Variants in GSE1 observed in about 807,000 individuals in gnomAD.
The protein encoded by GSE1 is genetic suppressor element 1.
In GSE1, 32 loss-of-function variants were observed where a neutral mutation model predicts 112.6. The observed-to-expected ratio is 0.28, with a 90% CI of 0.21 to 0.38. The LOEUF (loss-of-function observed/expected upper bound fraction) is 0.38, where lower values mean the gene tolerates loss of function less well. Ranked by LOEUF, GSE1 falls within the 10% of genes least tolerant of loss-of-function variation. The probability of loss-of-function intolerance (pLI) is 1.00; values close to 1 mark genes in which losing one functional copy is unlikely to be tolerated. For missense variants in GSE1, 2,348 were observed against 1,699.2 expected (o/e 1.38, Z -6.71); for synonymous variants, 1,115 against 735.6 (o/e 1.52, Z -8.35).
intron 3 of GSE1, among the ~76,000 whole-genome samples, chr16:85,651,081 C>T (rs2051309251): frequency 7.5e-6 from 1 of 133,564 alleles, no homozygotes; most frequent in Non-Finnish European, 1.6e-5. Flanking sequence ...CCCTCCTCCC[C>T]CTCCCCCTCC....
At position 85,581,752 on chromosome 16, in the gene GSE1, C is replaced by T. The variant is rs115384254; in HGVS notation, c.37+25389C>T. Among the ~76,000 whole-genome samples, 278 of 152,262 alleles carry T rather than the reference C, an allele frequency of 1.8e-3. 2 individuals carry two copies. The highest frequency in any genetic ancestry group is 6.4e-3 in the African/African-American group (267 of 41,532). On this transcript the variant is annotated intron_variant, in intron 1 of 2. Transcript: ENST00000635906. ...TGACCTGTCCCCTTCAGTGAGCTCG[C>T]CCTTCCTTGAGAGGAGGGCTGCATC...
intron 2 of GSE1, among the ~76,000 whole-genome samples, chr16:85,410,024 A>G (rs77168255): frequency 1.4e-4 from 2 of 14,494 alleles, no homozygotes; most frequent in African/African-American, 6.9e-4. Context: ...CCTCACTGTT[A>G]CACTCAGGGC....
chr16:85,672,141 G>C (rs745885278), intron 15 of GSE1: 3 of 428,076 alleles, frequency 7.0e-6, no homozygotes, highest in Non-Finnish European at 1.4e-5. Context: ...TAGGATTACA[G>C]GTATACGACA....
chr16:85,265,278 A>C (rs1908119665), intron 1 of GSE1, among the ~76,000 whole-genome samples: 1 of 152,148 alleles, frequency 6.6e-6, no homozygotes, highest in South Asian at 2.1e-4. Flanking sequence ...ACCAATCCTG[A>C]CTGCCTGCCT....
At chr16:85,669,940 G>A (rs769460080) in intron 14 of GSE1, among the ~76,000 whole-genome samples, 13 of 152,188 alleles carry the variant, frequency 8.5e-5, no homozygotes, top group Non-Finnish European at 1.6e-4. Context: ...CCGCTCAGCT[G>A]TTTTTAGCCC....
chr16:85,441,442 G>C (rs907484958), intron 2 of GSE1, among the ~76,000 whole-genome samples: 9 of 150,582 alleles, frequency 6.0e-5, no homozygotes, highest in African/African-American at 9.7e-5. Context: ...ATCACCTGAG[G>C]TCAGGAGTTT....
At chr16:85,295,090 C>T (rs1036489286) in intron 1 of GSE1, among the ~76,000 whole-genome samples, 4 of 151,976 alleles carry the variant, frequency 2.6e-5, no homozygotes, top group Non-Finnish European at 4.4e-5. Flanking sequence ...ACCATCACCT[C>T]GAGGGTTCGG....
At chr16:85,411,727 G>T (rs1449276651) in intron 2 of GSE1, among the ~76,000 whole-genome samples, 1 of 71,268 alleles carries the variant, frequency 1.4e-5, no homozygotes, top group African/African-American at 8.9e-5. Context: ...AATCCTCACT[G>T]TTACACTCAG....
rs113197005 is a variant in GSE1 at position 85,388,644 on chromosome 16, G to GTGGATGGA, written c.2464+31029_2464+31036dup. On this transcript the variant is annotated intron_variant, in intron 2 of 2. Coordinates refer to the GSE1 transcript ENST00000637419. ...GATGGATGGATACATAGGTGTGTGG[G>GTGGATGGA]TGGATGGATGGATGGATGGATGGAT... Among the ~76,000 whole-genome samples, 474 of 149,060 alleles carry GTGGATGGA rather than the reference G, an allele frequency of 3.2e-3. 1 individual carries two copies. Among genetic ancestry groups the GTGGATGGA allele is most frequent in the African/African-American group, 0.012 (465 of 40,296 alleles).
intron 1 of GSE1, among the ~76,000 whole-genome samples, chr16:85,305,965 C>T (rs1309037296): frequency 2.0e-5 from 3 of 152,104 alleles, no homozygotes; most frequent in South Asian, 2.1e-4. Flanking sequence ...GTGGTGCGTG[C>T]CTGTAATGCT....
intron 2 of GSE1, among the ~76,000 whole-genome samples, chr16:85,449,803 AG>A (rs2049623214): frequency 6.6e-6 from 1 of 152,196 alleles, no homozygotes; most frequent in African/African-American, 2.4e-5. Context: ...GCAAAATAGA[AG>A]GGTTGCATTT....
At chr16:85,395,285 G>T (rs1022035430) in intron 2 of GSE1, among the ~76,000 whole-genome samples, 33 of 152,204 alleles carry the variant, frequency 2.2e-4, no homozygotes, top group African/African-American at 8.0e-4. Flanking sequence ...AGCTGCTGAG[G>T]TGTCAGGGCA....
intron 1 of GSE1, among the ~76,000 whole-genome samples, chr16:85,332,234 G>A (rs1446217395): frequency 6.6e-6 from 1 of 152,132 alleles, no homozygotes; most frequent in Non-Finnish European, 1.5e-5. Context: ...TGTAGCCGTC[G>A]GCCATGAGAG....
At chr16:85,193,257 A>G (rs7198093) in intron 1 of GSE1, among the ~76,000 whole-genome samples, 13,266 of 152,216 alleles carry the variant, frequency 0.087, 792 homozygotes, top group South Asian at 0.23. Flanking sequence ...GTGGATAGGC[A>G]TTGGAAAGGA....
intron 9 of GSE1, chr16:85,662,671 G>C: frequency 2.8e-6 from 1 of 353,042 alleles, no homozygotes; most frequent in East Asian, 5.4e-5. Context: ...TGTTGCCGTG[G>C]ACACAGCCCC....
chr16:85,333,541 G>C (rs1456986536), intron 1 of GSE1, among the ~76,000 whole-genome samples: 2 of 152,248 alleles, frequency 1.3e-5, no homozygotes, highest in East Asian at 3.9e-4. Context: ...GGTGCCTGAG[G>C]CCAGCCTGCA....
At chr16:85,543,020 G>A (rs1338543765) in intron 2 of GSE1, among the ~76,000 whole-genome samples, 6 of 152,180 alleles carry the variant, frequency 3.9e-5, no homozygotes, top group Admixed American at 3.9e-4. Flanking sequence ...GAGTTCAGGA[G>A]TTCAAGACCA....
chr16:85,501,676 G>A (rs1165902575), intron 2 of GSE1, among the ~76,000 whole-genome samples: 1 of 152,212 alleles, frequency 6.6e-6, no homozygotes, highest in Non-Finnish European at 1.5e-5. Context: ...TTACAGGCGT[G>A]AGCCACTGTG....
intron 1 of GSE1, among the ~76,000 whole-genome samples, chr16:85,201,109 G>T (rs998818596): frequency 6.6e-6 from 1 of 152,208 alleles, no homozygotes; most frequent in East Asian, 1.9e-4. Flanking sequence ...GTCTTGCTCT[G>T]TTGCCCAGGC....
Sources: gnomAD v4.1 joint callset for allele counts (sites outside exome capture counted in the v4.1 genomes callset) on GRCh38, gnomAD v4.1.1 for gene constraint, MANE v1.5 for transcripts, NCBI Gene and HGNC (gene_info 2026-07-23, HGNC 2026-07-21) for gene names.